PTPRM: variants seen among roughly 807,000 people sequenced by gnomAD.
PTPRM encodes receptor-type tyrosine-protein phosphatase mu.
Under a neutral mutation model 186.7 loss-of-function variants are expected in PTPRM, and 47 were observed. The observed-to-expected ratio is 0.25, with a 90% CI of 0.20 to 0.32. The LOEUF (loss-of-function observed/expected upper bound fraction) is 0.32, where lower values mean the gene tolerates loss of function less well. PTPRM is among the 10% of genes least tolerant of loss of function. The probability of loss-of-function intolerance (pLI) is 1.00; values close to 1 mark genes in which losing one functional copy is unlikely to be tolerated. For synonymous variants in PTPRM, 668 were observed against 674.9 expected, an observed-to-expected ratio of 0.99 and a Z score of 0.16; for missense variants, 1,494 against 1,865.0, an observed-to-expected ratio of 0.80 and a Z score of 3.66.
At chr18:7,569,984 G>A (rs923216936) in intron 1 of PTPRM, among the ~76,000 whole-genome samples, 6 of 152,136 alleles carry the variant, frequency 3.9e-5, no homozygotes, top group African/African-American at 9.7e-5. Context: ...GGATTAGCTG[G>A]GTGTGGTGGC....
intron 23 of PTPRM, 102 bp downstream of exon 23, chr18:8,343,622 C>A: frequency 2.1e-6 from 2 of 941,188 alleles, no homozygotes; most frequent in Non-Finnish European, 1.6e-6. Flanking sequence ...GTGTACTCCC[C>A]AAAACATTAA....
intron 6 of PTPRM, among the ~76,000 whole-genome samples, chr18:7,951,912 T>G (rs1248740622): frequency 6.6e-6 from 1 of 152,154 alleles, no homozygotes; most frequent in Admixed American, 6.5e-5. Context: ...GAAACTAAAG[T>G]CCATAGAGTT....
intron 22 of PTPRM, among the ~76,000 whole-genome samples, chr18:8,336,918 A>G (rs2095443090): frequency 6.6e-6 from 1 of 152,252 alleles, no homozygotes; most frequent in Non-Finnish European, 1.5e-5. Context: ...TGGAGGTTGC[A>G]GTGAGCCAAG....
chr18:8,280,751 C>T (rs745534764), intron 19 of PTPRM, among the ~76,000 whole-genome samples: 1 of 152,134 alleles, frequency 6.6e-6, no homozygotes, highest in Non-Finnish European at 1.5e-5. Context: ...ACTGCCCTTA[C>T]GTTCTTGTTC....
chr18:7,764,314 A>G (rs2041920444), intron 1 of PTPRM, among the ~76,000 whole-genome samples: 1 of 152,226 alleles, frequency 6.6e-6, no homozygotes, highest in Non-Finnish European at 1.5e-5. Context: ...CAGTATATGC[A>G]TGCTTGTAAT....
chr18:7,872,443 C>G (rs1384640860), intron 2 of PTPRM, among the ~76,000 whole-genome samples: 1 of 151,772 alleles, frequency 6.6e-6, no homozygotes, highest in African/African-American at 2.4e-5. Flanking sequence ...GCTATTCTAC[C>G]CAGTGTGTTT....
chr18:7,803,396 T>C (rs2044072228), intron 2 of PTPRM, among the ~76,000 whole-genome samples: 2 of 152,100 alleles, frequency 1.3e-5, no homozygotes, highest in Non-Finnish European at 2.9e-5. Flanking sequence ...AACCCTAGCC[T>C]CTTGCCTTGT....
chr18:7,942,509 AG>A (rs1315884163), intron 5 of PTPRM, among the ~76,000 whole-genome samples: 2 of 152,020 alleles, frequency 1.3e-5, no homozygotes, highest in East Asian at 3.9e-4. Context: ...CTCCAGATAC[AG>A]GGCAGGATAC....
intron 1 of PTPRM, among the ~76,000 whole-genome samples, chr18:7,761,543 G>A (rs537734383): frequency 6.6e-6 from 1 of 152,244 alleles, no homozygotes; most frequent in East Asian, 1.9e-4. Context: ...TATCTTAGTA[G>A]ATTCTTACAT....
At chr18:8,155,548 A>G (rs2093102785) in intron 14 of PTPRM, among the ~76,000 whole-genome samples, 1 of 152,250 alleles carries the variant, frequency 6.6e-6, no homozygotes, top group South Asian at 2.1e-4. Flanking sequence ...AAACAGATGT[A>G]CATTTTGCAA....
At chr18:7,878,886 T>C (rs1269810825) in intron 2 of PTPRM, among the ~76,000 whole-genome samples, 1 of 152,186 alleles carries the variant, frequency 6.6e-6, no homozygotes, top group Non-Finnish European at 1.5e-5. Flanking sequence ...AATGAAAAAC[T>C]TGACGTATGG....
At chr18:8,130,367 A>G (rs1485527283) in intron 13 of PTPRM, among the ~76,000 whole-genome samples, 1 of 152,206 alleles carries the variant, frequency 6.6e-6, no homozygotes. Flanking sequence ...GGGCTCCATG[A>G]AACCGCAAGG....
intron 9 of PTPRM, among the ~76,000 whole-genome samples, chr18:8,083,894 G>A (rs1364580580): frequency 6.6e-6 from 1 of 152,134 alleles, no homozygotes; most frequent in African/African-American, 2.4e-5. Flanking sequence ...ATATAATGGT[G>A]TAGTATCACA....
intron 1 of PTPRM, among the ~76,000 whole-genome samples, chr18:7,654,734 A>T (rs2038808357): frequency 6.6e-6 from 1 of 152,086 alleles, no homozygotes; most frequent in Non-Finnish European, 1.5e-5. Context: ...TGCTTTTGTT[A>T]GCGTTGTCAA....
At chr18:8,242,907 C>T (rs1021120307) in intron 14 of PTPRM, among the ~76,000 whole-genome samples, 7 of 152,200 alleles carry the variant, frequency 4.6e-5, no homozygotes, top group Non-Finnish European at 8.8e-5. Flanking sequence ...AGATGATTTA[C>T]TAGAAGGAGG....
intron 13 of PTPRM, among the ~76,000 whole-genome samples, chr18:8,135,402 T>G (rs1198881433): frequency 6.6e-6 from 1 of 152,204 alleles, no homozygotes; most frequent in Non-Finnish European, 1.5e-5. Flanking sequence ...GGAGCCATAG[T>G]TCTAGAGTTG....
chr18:7,750,346 A>G (rs1390194265), intron 1 of PTPRM, among the ~76,000 whole-genome samples: 1 of 152,228 alleles, frequency 6.6e-6, no homozygotes, highest in East Asian at 1.9e-4. Flanking sequence ...GTTTTATAAC[A>G]TCTTTCACAT....
At chr18:8,134,191 C>A (rs1248558312) in intron 13 of PTPRM, among the ~76,000 whole-genome samples, 1 of 152,190 alleles carries the variant, frequency 6.6e-6, no homozygotes, top group African/African-American at 2.4e-5. Context: ...TTTCTCTGTA[C>A]AAACTTGAAC....
chr18:8,144,718 T>C (rs2092841553), intron 14 of PTPRM, among the ~76,000 whole-genome samples: 1 of 152,208 alleles, frequency 6.6e-6, no homozygotes, highest in African/African-American at 2.4e-5. Flanking sequence ...AACTATGCAG[T>C]GTCTTGTTTT....
Sources: gnomAD v4.1 joint callset for allele counts (sites outside exome capture counted in the v4.1 genomes callset) on GRCh38, gnomAD v4.1.1 for gene constraint, MANE v1.5 for transcripts, NCBI Gene and HGNC (gene_info 2026-07-23, HGNC 2026-07-21) for gene names.